The following SLC14A2 variants were observed in gnomAD, a reference collection of about 807,000 sequenced individuals.
SLC14A2 encodes urea transporter 2.
A neutral mutation model predicts 104.6 loss-of-function variants in SLC14A2; 91 were observed. The ratio of observed to expected loss-of-function variants is 0.87; its 90% confidence interval spans 0.73 to 1.04. The LOEUF is 1.04. SLC14A2 is among the 50% of genes least tolerant of loss of function. SLC14A2 has a pLI of 0.00. For synonymous variants in SLC14A2, 476 were observed against 466.4 expected (o/e 1.02, Z -0.27); for missense variants, 1,189 against 1,156.0 (o/e 1.03, Z -0.41).
At chr18:45,507,027 C>G (rs1345173931) in intron 2 of SLC14A2, among the ~76,000 whole-genome samples, 1 of 152,200 alleles carries the variant, frequency 6.6e-6, no homozygotes, top group Non-Finnish European at 1.5e-5. Context: ...ACTGTCCTTT[C>G]CTGTACATTG....
chr18:45,215,502 A>G (rs1017949617), intron 1 of SLC14A2, among the ~76,000 whole-genome samples: 12 of 152,370 alleles, frequency 7.9e-5, no homozygotes, highest in African/African-American at 2.9e-4. Flanking sequence ...AAAAAAAATC[A>G]TGACTTCCTT....
At chr18:45,457,630 A>G (rs184234924) in intron 1 of SLC14A2, among the ~76,000 whole-genome samples, 3 of 151,630 alleles carry the variant, frequency 2.0e-5, no homozygotes, top group African/African-American at 7.3e-5. Flanking sequence ...GGTCACTGGT[A>G]GTGACCTGTT....
At chr18:45,257,267 T>C (rs889483312) in intron 1 of SLC14A2, among the ~76,000 whole-genome samples, 1 of 152,238 alleles carries the variant, frequency 6.6e-6, no homozygotes, top group Non-Finnish European at 1.5e-5. Flanking sequence ...CTTTGGAAAT[T>C]AGTTGTTCCA....
chr18:45,262,625 C>G (rs1023406431), intron 1 of SLC14A2, among the ~76,000 whole-genome samples: 3 of 152,098 alleles, frequency 2.0e-5, no homozygotes, highest in African/African-American at 7.2e-5. Flanking sequence ...AAGCTAGAAC[C>G]CGATAAAAAT....
chr18:45,189,512 A>G, the SLC14A2 span, among the ~76,000 whole-genome samples: 2 of 152,218 alleles, frequency 1.3e-5, no homozygotes, highest in African/African-American at 4.8e-5. Context: ...GATAAAATGT[A>G]GATATTGTAA....
chr18:45,233,458 A>G (rs2084194566), intron 1 of SLC14A2, among the ~76,000 whole-genome samples: 2 of 152,130 alleles, frequency 1.3e-5, no homozygotes, highest in Non-Finnish European at 2.9e-5. Flanking sequence ...TCACAGGAGT[A>G]TTGGACACCT....
At chr18:45,541,223 G>A (rs1475720175) in intron 2 of SLC14A2, among the ~76,000 whole-genome samples, 1 of 152,190 alleles carries the variant, frequency 6.6e-6, no homozygotes, top group Non-Finnish European at 1.5e-5. Flanking sequence ...ATGTGTGTGT[G>A]TGCACACGTG....
intron 2 of SLC14A2, among the ~76,000 whole-genome samples, chr18:45,567,514 A>C (rs2144326567): frequency 6.6e-6 from 1 of 152,354 alleles, no homozygotes; most frequent in East Asian, 1.9e-4. Context: ...GATATCTTAA[A>C]AACTGGGAAA....
chr18:45,625,521 G>C (rs1346024578), intron 2 of SLC14A2, among the ~76,000 whole-genome samples, 162 bp from the exon 3 acceptor site: 1 of 152,162 alleles, frequency 6.6e-6, no homozygotes, highest in African/African-American at 2.4e-5. Context: ...GAACAGGCTT[G>C]TACGGGGCAC....
rs57034512 is a variant in SLC14A2 at position 45,445,783 on chromosome 18, G to A, written c.-124-37450G>A. ...GGCATGATATCAAGAGGCAGATGAG[G>A]CCCTTCCCTCCCAAATATTATCCCA... On this transcript the variant is annotated intron_variant, in intron 1 of 20. Coordinates refer to the SLC14A2 transcript ENST00000586448. Among the ~76,000 whole-genome samples, 487 of 152,232 alleles carry A rather than the reference G, an allele frequency of 3.2e-3. 1 individual carries two copies. Among genetic ancestry groups the A allele is most frequent in the African/African-American group, 0.011 (450 of 41,542 alleles).
Position 45,509,556 on chromosome 18 carries a change from T to C in SLC14A2, c.-35+26234T>C, listed in dbSNP as rs1434795450. 5.3e-5 allele frequency among the ~76,000 whole-genome samples: 8 copies of C among 152,114 alleles called. No homozygotes were observed. The East Asian group carries it at 9.7e-4, about 18-fold the overall frequency. On this transcript the variant is annotated intron_variant, in intron 2 of 20. Coordinates refer to the SLC14A2 transcript ENST00000586448. ...AGACATTTACAGAAAAGCCCAGATA[T>C]GGTTGTGACAGCATTTCAGGTCATG...
chr18:45,632,309 C>T lies in SLC14A2; in HGVS notation c.522-41C>T, dbSNP rs770571790. ...ACCAGGAGGGAGGGGCCCAGTAACA[C>T]CACCAACTTCAAATGCAAAATCAGT... On this transcript the variant is annotated intron_variant, in intron 4 of 19. Transcript: ENST00000255226. 2.1e-5 allele frequency: 34 copies of T among 1,599,134 alleles called. No individual in the cohort carries two copies. In the South Asian group the frequency reaches 3.4e-4, roughly 16 times the overall value.
At position 45,657,583 on chromosome 18, in the gene SLC14A2, GA is replaced by G. The variant is rs1451041722; in HGVS notation, c.1352-6196del. ...AAGAAAGGAAAGAAAAGAAAGAAAA[GA>G]AAAAAGAAAGAAACTGAACTTCCAA... On this transcript the variant is annotated intron_variant, in intron 10 of 19. Transcript: ENST00000255226. 1.3e-4 allele frequency among the ~76,000 whole-genome samples: 19 copies of G among 151,588 alleles called. No individual in the cohort carries two copies. The East Asian group carries it at 2.9e-3, about 23-fold the overall frequency.
intron 11 of SLC14A2, among the ~76,000 whole-genome samples, chr18:45,665,688 C>CTTTCT (rs371437384): frequency 6.3e-5 from 5 of 79,302 alleles, no homozygotes; most frequent in African/African-American, 2.8e-4. Flanking sequence ...AACCAAGTTT[C>CTTTCT]TTTTTTTTTT....
intron 1 of SLC14A2, among the ~76,000 whole-genome samples, chr18:45,441,559 T>C (rs1315671803): frequency 3.3e-5 from 5 of 152,222 alleles, no homozygotes; most frequent in Admixed American, 6.5e-5. Flanking sequence ...ATCTGGTCTG[T>C]TTGGCTTCAG....
chr18:45,278,869 C>T (rs919954357), intron 1 of SLC14A2, among the ~76,000 whole-genome samples: 3 of 152,194 alleles, frequency 2.0e-5, no homozygotes, highest in Non-Finnish European at 4.4e-5. Context: ...TTCTAAACAG[C>T]GTGGTTGCTA....
intron 1 of SLC14A2, among the ~76,000 whole-genome samples, chr18:45,435,840 A>G (rs1427427186): frequency 6.6e-6 from 1 of 152,238 alleles, no homozygotes; most frequent in African/African-American, 2.4e-5. Context: ...GTATGTTGCA[A>G]TCCAAACTGG....
At chr18:45,259,028 C>T (rs1381712524) in intron 1 of SLC14A2, among the ~76,000 whole-genome samples, 2 of 152,232 alleles carry the variant, frequency 1.3e-5, no homozygotes, top group South Asian at 2.1e-4. Context: ...CACACTCACA[C>T]GTGGATTTCC....
At chr18:45,634,634 C>G (rs1344584740) in intron 5 of SLC14A2, among the ~76,000 whole-genome samples, 1 of 152,120 alleles carries the variant, frequency 6.6e-6, no homozygotes, top group East Asian at 1.9e-4. Context: ...GTGGCAGAAG[C>G]CCAGTGAAGG....
Sources: gnomAD v4.1 joint callset for allele counts (sites outside exome capture counted in the v4.1 genomes callset) on GRCh38, gnomAD v4.1.1 for gene constraint, MANE v1.5 for transcripts, NCBI Gene and HGNC (gene_info 2026-07-23, HGNC 2026-07-21) for gene names.